SIPA1L3: variants seen among roughly 807,000 people sequenced by gnomAD.
The protein encoded by SIPA1L3 is signal induced proliferation associated 1 like 3, also known as signal-induced proliferation-associated 1-like protein 3.
A neutral mutation model predicts 150.1 loss-of-function variants in SIPA1L3; 59 were observed. The observed-to-expected ratio is 0.39, with a 90% CI of 0.32 to 0.49. The LOEUF is 0.49. Ranked by LOEUF, SIPA1L3 falls within the 20% of genes least tolerant of loss-of-function variation. The pLI is 0.86. For synonymous variants in SIPA1L3, 1,070 were observed against 1,077.6 expected, an observed-to-expected ratio of 0.99 and a Z score of 0.14; for missense variants, 2,211 against 2,489.5, an observed-to-expected ratio of 0.89 and a Z score of 2.38.
rs772280280 is a variant in SIPA1L3, at chr19:38,192,155, A to C, written c.4441A>C (p.Thr1481Pro). ...ACGCTGTCATTCCAGGCAGGTGGACACGAACACCAAAAATGTCTTTGGGCA... is the reference window on the plus strand; with the variant it reads ...ACGCTGTCATTCCAGGCAGGTGGACCCGAACACCAAAAATGTCTTTGGGCA... ...PFSDPKKQVD[T>P]NTKNVFGQPR... Residue 1481 changes from threonine (T) to proline (P), a missense_variant, in exon 17 of 22, where the codon ACG becomes CCG. Physicochemically the swap from Thr to Pro is conservative, Grantham distance 38. Coordinates refer to ENST00000222345, the MANE Select transcript of SIPA1L3 (RefSeq NM_015073.3). 1 of 1,606,228 alleles carries C rather than the reference A, an allele frequency of 6.2e-7. No homozygotes were observed. The highest frequency in any genetic ancestry group is 8.5e-7 in the Non-Finnish European group (1 of 1,176,508).
Position 38,110,393 on chromosome 19 carries a change from C to A in SIPA1L3, c.2291+9C>A. On this transcript the variant is annotated intron_variant, in intron 8 of 21. Transcript: ENST00000222345. ...GATAACGTCTGTTACAGGTATGCCCCCCACACCCGGCCCCCAGCAGCGTAT... is the reference window on the plus strand; with the variant it reads ...GATAACGTCTGTTACAGGTATGCCCACCACACCCGGCCCCCAGCAGCGTAT... 6.2e-7 allele frequency: 1 copy of A among 1,608,706 alleles called. No homozygotes were observed. Among genetic ancestry groups the A allele is most frequent in the Non-Finnish European group, 8.5e-7 (1 of 1,175,974 alleles).
rs1234810408 is a variant in SIPA1L3, at chr19:38,100,258, G to C, written c.1854+108G>C. 4 of 862,968 alleles carry C rather than the reference G, an allele frequency of 4.6e-6. No individual in the cohort carries two copies. In the East Asian group the frequency reaches 1.3e-4, roughly 27 times the overall value. 53.5% of individuals were successfully genotyped at this position (862,968 alleles called of 1,614,324 possible). A position where few individuals can be genotyped will look rare whatever the true frequency, so the allele number is the denominator to read the frequency against. ...CTTTCTTTTTTCTTTGCAAGTAACAGAAACCTACTTAAGCTGGTTTCAGCA... is the reference window on the plus strand; with the variant it reads ...CTTTCTTTTTTCTTTGCAAGTAACACAAACCTACTTAAGCTGGTTTCAGCA... On this transcript the variant is annotated intron_variant, in intron 5 of 21. Transcript: ENST00000222345.
intron 21 of SIPA1L3, among the ~76,000 whole-genome samples, chr19:38,204,504 C>T (rs1973164980): frequency 6.6e-6 from 1 of 152,200 alleles, no homozygotes; most frequent in Admixed American, 6.5e-5. Flanking sequence ...GTGGCTCATA[C>T]CTGTAATCCC....
chr19:38,000,981 C>CATATA (rs1967790142), intron 1 of SIPA1L3, among the ~76,000 whole-genome samples: 1 of 121,840 alleles, frequency 8.2e-6, no homozygotes, highest in East Asian at 2.8e-4. Context: ...ACATATATAA[C>CATATA]ACACATATAT....
intron 1 of SIPA1L3, among the ~76,000 whole-genome samples, chr19:37,991,205 C>T (rs1244319887): frequency 6.6e-6 from 1 of 152,146 alleles, no homozygotes; most frequent in Non-Finnish European, 1.5e-5. Context: ...GCACTCCAGC[C>T]TGGGCAACAG....
chr19:38,149,477 A>C (rs1971773032), intron 12 of SIPA1L3, among the ~76,000 whole-genome samples: 1 of 152,244 alleles, frequency 6.6e-6, no homozygotes, highest in Non-Finnish European at 1.5e-5. Context: ...GAGATGAAAC[A>C]AGGTAAAATA....
At position 38,099,943 on chromosome 19, in the gene SIPA1L3, C is replaced by A; in HGVS notation, c.1666-19C>A. On this transcript the variant is annotated intron_variant, in intron 4 of 21. Transcript: ENST00000222345. ...AGGTCTCGAGAGCCCCCTAACCTTC[C>A]CTTCTCTCCCTTGAGTAGCTCATCA... 6.4e-7 allele frequency: 1 copy of A among 1,570,698 alleles called. No homozygotes were observed. Among genetic ancestry groups the A allele is most frequent in the South Asian group, 1.2e-5 (1 of 83,798 alleles).
chr19:37,963,673 C>T (rs982198913), intron 1 of SIPA1L3, among the ~76,000 whole-genome samples: 1 of 152,190 alleles, frequency 6.6e-6, no homozygotes, highest in Non-Finnish European at 1.5e-5. Context: ...TAGTTATATG[C>T]CTTTGGTTGA....
chr19:38,104,770 C>T (rs552181896), intron 6 of SIPA1L3, among the ~76,000 whole-genome samples: 4 of 151,888 alleles, frequency 2.6e-5, no homozygotes, highest in South Asian at 2.1e-4. Context: ...GGGGTTTCAC[C>T]GTGTTGGCCA....
At position 37,946,264 on chromosome 19, in the gene SIPA1L3, T is replaced by C. The variant is rs144065997; in HGVS notation, c.-379+38906T>C. On this transcript the variant is annotated intron_variant, in intron 1 of 21. Transcript: ENST00000222345. ...TGGTTTCCTGGATCCTCACCAACGC[T>C]GGGCTCACACTGCTTCTTTCCCTCC... is the stretch of plus-strand genomic sequence containing the variant. 3.9e-4 allele frequency among the ~76,000 whole-genome samples: 59 copies of C among 152,278 alleles called. No homozygotes were observed. In the East Asian group the frequency reaches 5.0e-3, roughly 13 times the overall value.
chr19:38,009,240 G>A (rs1434370954), intron 1 of SIPA1L3, among the ~76,000 whole-genome samples: 2 of 152,152 alleles, frequency 1.3e-5, no homozygotes, highest in South Asian at 4.1e-4. Context: ...GGCTGGTCTC[G>A]AACTCCTGAC....
chr19:38,167,802 C>A (rs764035336), intron 15 of SIPA1L3, among the ~76,000 whole-genome samples: 1 of 152,132 alleles, frequency 6.6e-6, no homozygotes, highest in Non-Finnish European at 1.5e-5. Context: ...TGGGCTCAAG[C>A]GATGCTCCCA....
At chr19:37,908,130 C>T (rs1300268822) in intron 1 of SIPA1L3, among the ~76,000 whole-genome samples, 1 of 152,150 alleles carries the variant, frequency 6.6e-6, no homozygotes. Context: ...TAAATGGTAC[C>T]ATTTATTCAG....
chr19:38,105,198 A>ATACTAAAAT (rs1445004428), intron 6 of SIPA1L3, among the ~76,000 whole-genome samples: 1 of 151,906 alleles, frequency 6.6e-6, no homozygotes, highest in Non-Finnish European at 1.5e-5. Context: ...TCTACTAAAA[A>ATACTAAAAT]TACTAAAATT....
chr19:38,205,559 C>G (rs549526460), intron 21 of SIPA1L3, among the ~76,000 whole-genome samples: 1 of 151,994 alleles, frequency 6.6e-6, no homozygotes, highest in Admixed American at 6.6e-5. Flanking sequence ...CGTAAGTCTT[C>G]GAGCCGTGGA....
At position 38,164,740 on chromosome 19, in the gene SIPA1L3, C is replaced by G. The variant is rs200194833; in HGVS notation, c.4042C>G (p.Arg1348Gly). 5.0e-6 allele frequency: 8 copies of G among 1,612,682 alleles called. No homozygotes were observed. Among genetic ancestry groups the G allele is most frequent in the Non-Finnish European group, 6.8e-6 (8 of 1,179,480 alleles). ...PGSMGLCGGG[R>G]EAAGRSHHAD... ...AAGTATGGGCCTTTGTGGCGGGGGT[C>G]GCGAGGCCGCTGGGAGGTCCCACCA... The change falls in exon 15 of 22, where the codon CGC becomes GGC. Residue 1348 changes from arginine (R) to glycine (G), a missense_variant. Arg to Gly is a moderately radical substitution (Grantham distance 125). Around this residue, in one of 5 missense-constraint regions of SIPA1L3, gnomAD observed 806 missense variants for 870.1 expected, o/e 0.93. Coordinates refer to ENST00000222345, the MANE Select transcript of SIPA1L3 (RefSeq NM_015073.3). This position sits in a 1 kb window ranked among gnomAD's most constrained non-coding sequence, Gnocchi z 4.1.
intron 1 of SIPA1L3, among the ~76,000 whole-genome samples, chr19:38,003,144 GATAAA>G (rs1426225669): frequency 2.0e-5 from 3 of 152,032 alleles, no homozygotes; most frequent in Non-Finnish European, 4.4e-5. Context: ...CATCTCAAAA[GATAAA>G]ATAAAAATAA....
At chr19:38,098,409 T>C (rs76505192) in intron 4 of SIPA1L3, among the ~76,000 whole-genome samples, 5 of 150,048 alleles carry the variant, frequency 3.3e-5, no homozygotes, top group Non-Finnish European at 7.4e-5. Flanking sequence ...TTTTTTTTTT[T>C]TTTTTGAGAC....
intron 2 of SIPA1L3, among the ~76,000 whole-genome samples, chr19:38,059,229 G>A (rs905073966): frequency 3.3e-5 from 5 of 151,496 alleles, no homozygotes; most frequent in Non-Finnish European, 5.9e-5. Flanking sequence ...CAAACTCCTG[G>A]GCTCAAGCTA....
Sources: gnomAD v4.1 joint callset for allele counts (sites outside exome capture counted in the v4.1 genomes callset) on GRCh38, gnomAD v4.1.1 for gene constraint, gnomAD v4.1.1 regional missense constraint, Gnocchi (gnomAD v3.1) non-coding constraint, MANE v1.5 for transcripts, NCBI Gene and HGNC (gene_info 2026-07-23, HGNC 2026-07-21) for gene names.